The following JADE2 variants were observed in gnomAD, a reference collection of about 807,000 sequenced individuals.
JADE2 encodes the protein E3 ubiquitin-protein ligase Jade-2.
In JADE2, 13 loss-of-function variants were observed where a neutral mutation model predicts 85.7. The ratio of observed to expected loss-of-function variants is 0.15; its 90% CI spans 0.10 to 0.24. The LOEUF is 0.24. Ranked by LOEUF, JADE2 falls within the 10% of genes least tolerant of loss-of-function variation. The pLI is 1.00. For synonymous variants in JADE2, 440 were observed against 456.1 expected (o/e 0.96, Z 0.45); for missense variants, 846 against 1,115.9 (o/e 0.76, Z 3.45).
At chr5:134,567,736 C>G (rs1034724232) in intron 9 of JADE2, among the ~76,000 whole-genome samples, 1 of 152,192 alleles carries the variant, frequency 6.6e-6, no homozygotes, top group East Asian at 1.9e-4. Flanking sequence ...CTTCCCCAAT[C>G]CCCTCCTTCC....
intron 11 of JADE2, 84 bp downstream of exon 11, chr5:134,576,980 A>C: frequency 6.9e-7 from 1 of 1,443,290 alleles, no homozygotes; most frequent in East Asian, 2.5e-5. Flanking sequence ...GCGGAAGGCC[A>C]GCTGCACAGA....
Position 134,566,104 on chromosome 5 carries a change from C to A in JADE2, c.970-12C>A, listed in dbSNP as rs750316556. On this transcript the variant is annotated splice_polypyrimidine_tract_variant and intron_variant, in intron 8 of 11. Transcript: ENST00000681547. The surrounding 1 kb of genome is among the most constrained non-coding windows in gnomAD (Gnocchi z 6.7). ...CCCTCCATGTCTGATCCTGCCCCTC[C>A]TTTCCCCTCAGTGTTCCATGCCTTC... The A allele has an allele frequency of 1.9e-6, 3 of 1,606,138 alleles. No individual in the cohort carries two copies. The highest frequency in any genetic ancestry group is 2.6e-6 in the Non-Finnish European group (3 of 1,174,844).
In JADE2 at chr5:134,578,890, G is replaced by A. The variant is rs1216172661; in HGVS notation, c.2078G>A (p.Arg693His). 7.4e-6 allele frequency: 12 copies of A among 1,613,848 alleles called. No homozygotes were observed. The East Asian group carries it at 8.9e-5, about 12-fold the overall frequency. The change falls in exon 12 of 12, where the codon CGT (arginine) becomes CAT (histidine). Residue 693 changes from arginine (R) to histidine (H), a missense_variant. Physicochemically the swap from Arg to His is conservative, Grantham distance 29. Transcript: ENST00000681547. This position sits in a 1 kb window ranked among gnomAD's most constrained non-coding sequence, Gnocchi z 4.4. ...GGGCCACCTACCAGGAAGCCACCAC[G>A]TCGGACATCTTCTCACTTGCCGTCC... Reference protein sequence around the residue: ...GQGPPTRKPPRRTSSHLPSSP... With the variant: ...GQGPPTRKPPHRTSSHLPSSP...
chr5:134,527,206 C>T (rs899307477), intron 1 of JADE2, among the ~76,000 whole-genome samples: 1 of 151,620 alleles, frequency 6.6e-6, no homozygotes, highest in Non-Finnish European at 1.5e-5. Context: ...CACCTCCTTC[C>T]TCCCTCTCCC....
At position 134,578,603 on chromosome 5, in the gene JADE2, C is replaced by A. The variant is rs139765690; in HGVS notation, c.1791C>A (p.Asn597Lys). ...ENMAMSEWPLNNGHREDPAPG... is the reference protein window; with the variant it reads ...ENMAMSEWPLKNGHREDPAPG... Reference sequence around the variant, plus strand: ...TGGCCATGAGCGAGTGGCCACTGAACAATGGGCACCGCGAGGACCCTGCTC... The same window carrying A: ...TGGCCATGAGCGAGTGGCCACTGAAAAATGGGCACCGCGAGGACCCTGCTC... The change falls in exon 12 of 12, where the codon AAC (asparagine) becomes AAA (lysine). Residue 597 changes from asparagine (N) to lysine (K), a missense_variant. By Grantham distance (94) the Asn-to-Lys change is moderately conservative. Coordinates refer to ENST00000681547, the MANE Select transcript of JADE2 (RefSeq NM_001388185.1). The surrounding 1 kb of genome is among the most constrained non-coding windows in gnomAD (Gnocchi z 4.4). The A allele has an allele frequency of 6.2e-7, 1 of 1,614,062 alleles. No individual in the cohort carries two copies. Among genetic ancestry groups the A allele is most frequent in the African/African-American group, 1.3e-5 (1 of 74,934 alleles).
At position 134,562,290 on chromosome 5, in the gene JADE2, A is replaced by C. The variant is rs1349769334; in HGVS notation, c.775A>C (p.Lys259Gln). 2 of 1,614,092 alleles carry C rather than the reference A, an allele frequency of 1.2e-6. No individual in the cohort carries two copies. The highest frequency in any genetic ancestry group is 1.7e-6 in the Non-Finnish European group (2 of 1,180,008). Residue 259 changes from lysine to glutamine, a missense_variant, in exon 7 of 12, where the codon AAG becomes CAG. By Grantham distance (53) the Lys-to-Gln change is moderately conservative. This residue lies in a region of JADE2 where 129 missense variants were observed against 255.4 expected (regional missense o/e 0.51). Transcript: ENST00000681547. The surrounding 1 kb of genome is among the most constrained non-coding windows in gnomAD (Gnocchi z 4.6). The stretch of plus-strand genomic sequence containing the variant: ...CCAGCCAAAGTGCCTGCTCTGCCCC[A>C]AGCGAGGAGGAGCCTTGAAGCCCAC... ...GVQPKCLLCP[K>Q]RGGALKPTRS...
rs1328432306 is a variant in JADE2, at chr5:134,552,228, G to A, written c.311+19G>A. Reference sequence around the variant, plus strand: ...TGGTGAGGTGAGCCAGGCAGCCCAGGCTAGGGGGCCATTGGGACAGGGGAG... The same window carrying A: ...TGGTGAGGTGAGCCAGGCAGCCCAGACTAGGGGGCCATTGGGACAGGGGAG... On this transcript the variant is annotated intron_variant, in intron 4 of 11. Coordinates refer to ENST00000681547, the MANE Select transcript of JADE2 (RefSeq NM_001388185.1). The A allele has an allele frequency of 1.2e-6, 2 of 1,607,328 alleles. No individual in the cohort carries two copies. The highest frequency in any genetic ancestry group is 4.5e-5 in the East Asian group (2 of 44,774).
chr5:134,547,647 A>G (rs1581423715), intron 3 of JADE2, among the ~76,000 whole-genome samples: 2 of 152,344 alleles, frequency 1.3e-5, no homozygotes, highest in Admixed American at 6.5e-5. Context: ...ATTGGCTGCC[A>G]TATTTGTGGG....
At position 134,578,451 on chromosome 5, in the gene JADE2, C is replaced by T; in HGVS notation, c.1682-43C>T. ...CAGTGGGCTTCCTGAAAGGGTGGGA[C>T]ACACGTCTGCTGGCGTCTCACTTGC... On this transcript the variant is annotated intron_variant, in intron 11 of 11. Coordinates refer to ENST00000681547, the MANE Select transcript of JADE2 (RefSeq NM_001388185.1). The surrounding 1 kb of genome is among the most constrained non-coding windows in gnomAD (Gnocchi z 4.4). The T allele has an allele frequency of 1.4e-6, 2 of 1,447,664 alleles. No homozygotes were observed. The highest frequency in any genetic ancestry group is 9.5e-7 in the Non-Finnish European group (1 of 1,057,108). 89.7% of individuals were successfully genotyped at this position (1,447,664 alleles called of 1,614,324 possible). A position where few individuals can be genotyped will look rare whatever the true frequency, so the allele number is the denominator to read the frequency against.
Position 134,578,928 on chromosome 5 carries a change from G to A in JADE2, c.2116G>A (p.Gly706Arg), listed in dbSNP as rs150023113. ...SSHLPSSPAA[G>R]DCPILATPES... Reference sequence around the variant, plus strand: ...TCACTTGCCGTCCAGCCCTGCAGCCGGGGACTGTCCCATCCTAGCCACCCC... The same window carrying A: ...TCACTTGCCGTCCAGCCCTGCAGCCAGGGACTGTCCCATCCTAGCCACCCC... The change falls in exon 12 of 12, where the codon GGG becomes AGG. Residue 706 changes from glycine (G) to arginine (R), a missense_variant. Physicochemically the swap from Gly to Arg is moderately radical, Grantham distance 125. This residue lies in a region of JADE2 where 300 missense variants were observed against 300.7 expected (regional missense o/e 1.00). Coordinates refer to ENST00000681547, the MANE Select transcript of JADE2 (RefSeq NM_001388185.1). The surrounding 1 kb of genome is among the most constrained non-coding windows in gnomAD (Gnocchi z 4.4). 21 of 1,613,548 alleles carry A rather than the reference G, an allele frequency of 1.3e-5. No homozygotes were observed. Among genetic ancestry groups the A allele is most frequent in the African/African-American group, 9.3e-5 (7 of 74,896 alleles).
intron 6 of JADE2, among the ~76,000 whole-genome samples, chr5:134,561,322 C>T (rs1170482346): frequency 6.6e-6 from 1 of 152,240 alleles, no homozygotes; most frequent in Admixed American, 6.5e-5. Context: ...TGGCTCTGCC[C>T]TTCACAAGCT....
chr5:134,541,999 G>T (rs146237251), intron 3 of JADE2, among the ~76,000 whole-genome samples: 2 of 152,364 alleles, frequency 1.3e-5, no homozygotes, highest in African/African-American at 4.8e-5. Context: ...GGGAGTGAGT[G>T]CGGGCCTCCG....
rs1297142450 is a variant in JADE2, at chr5:134,525,914, C to A, written c.-98C>A. On this transcript the variant is annotated 5_prime_UTR_variant, in exon 1 of 12. Transcript: ENST00000681547. ...CGCCCCCCGCCCTCCCGCGCCGGCC[C>A]CAGGAGCTCCCGGCTTCGGGAGCAT... 3.0e-6 allele frequency: 3 copies of A among 985,688 alleles called. No homozygotes were observed. In the African/African-American group the frequency reaches 5.2e-5, roughly 17 times the overall value. The allele number at this position is 985,688 out of a possible 1,614,324, so 61.1% of individuals were successfully genotyped here.
At chr5:134,555,381 C>T (rs977092401) in intron 4 of JADE2, among the ~76,000 whole-genome samples, 4 of 152,234 alleles carry the variant, frequency 2.6e-5, no homozygotes, top group Admixed American at 6.5e-5. Flanking sequence ...ACGCCCTCCT[C>T]CCAGCTGACC....
At chr5:134,559,493 C>T (rs2149969766) in intron 4 of JADE2, among the ~76,000 whole-genome samples, 1 of 152,326 alleles carries the variant, frequency 6.6e-6, no homozygotes, top group East Asian at 1.9e-4. Context: ...TAAGGCCCCG[C>T]TACCCTGATG....
At chr5:134,546,884 A>G (rs1298059280) in intron 3 of JADE2, among the ~76,000 whole-genome samples, 1 of 152,192 alleles carries the variant, frequency 6.6e-6, no homozygotes, top group Non-Finnish European at 1.5e-5. Flanking sequence ...TTAGTTTGAA[A>G]TACTCTGTGA....
At chr5:134,559,691 G>T (rs758963818) in intron 4 of JADE2, 139 bp from the exon 5 acceptor site, 2 of 728,776 alleles carry the variant, frequency 2.7e-6, no homozygotes, top group Non-Finnish European at 4.3e-6. Context: ...GAAGGAGGGG[G>T]TGGAAGGAGG....
At chr5:134,532,771 G>A (rs958995183) in intron 1 of JADE2, among the ~76,000 whole-genome samples, 2 of 152,158 alleles carry the variant, frequency 1.3e-5, no homozygotes, top group African/African-American at 4.8e-5. Context: ...CTGAGGTTGC[G>A]AGGAGGGTGA....
In JADE2 at chr5:134,581,788, C is replaced by T. The variant is rs948182228; in HGVS notation, c.*2471C>T. The stretch of plus-strand genomic sequence containing the variant: ...GGGGGTGGCCTTTCATTTGGGGTGC[C>T]CTTTCACTCCCAGGCCAAGCCCTGG... On this transcript the variant is annotated 3_prime_UTR_variant, in exon 12 of 12. Coordinates refer to ENST00000681547, the MANE Select transcript of JADE2 (RefSeq NM_001388185.1). 6.5e-6 allele frequency: 1 copy of T among 153,024 alleles called. No homozygotes were observed. Among genetic ancestry groups the T allele is most frequent in the Admixed American group, 6.5e-5 (1 of 15,290 alleles). The allele number at this position is 153,024 out of a possible 1,614,324, so 9.5% of individuals were successfully genotyped here.
Sources: gnomAD v4.1 joint callset for allele counts (sites outside exome capture counted in the v4.1 genomes callset) on GRCh38, gnomAD v4.1.1 for gene constraint, gnomAD v4.1.1 regional missense constraint, Gnocchi (gnomAD v3.1) non-coding constraint, MANE v1.5 for transcripts, NCBI Gene and HGNC (gene_info 2026-07-23, HGNC 2026-07-21) for gene names.